Variants in LRP1B observed in about 807,000 individuals in gnomAD.
The protein encoded by LRP1B is LDL receptor related protein 1B, also known as low-density lipoprotein receptor-related protein 1B.
A neutral mutation model predicts 556.6 loss-of-function variants in LRP1B; 217 were observed. That is an observed-to-expected ratio of 0.39 (90% confidence interval 0.35 to 0.44). The LOEUF (loss-of-function observed/expected upper bound fraction) is 0.44. Among genes scored for constraint, LRP1B ranks in the 20% least tolerant of loss-of-function variants. The probability of loss-of-function intolerance (pLI) is 1.00; values close to 1 mark genes in which losing one functional copy is unlikely to be tolerated. For synonymous variants in LRP1B, 2,047 were observed against 1,865.8 expected (o/e 1.10, Z -2.50); for missense variants, 5,053 against 5,620.8 (o/e 0.90, Z 3.23).
intron 1 of LRP1B, among the ~76,000 whole-genome samples, chr2:141,824,515 C>T (rs754852212): frequency 6.6e-6 from 1 of 152,176 alleles, no homozygotes; most frequent in Non-Finnish European, 1.5e-5. Context: ...CAGGCGCCCG[C>T]CACCGTGCCT....
At chr2:142,083,352 T>C (rs1183228334) in intron 1 of LRP1B, among the ~76,000 whole-genome samples, 2 of 152,288 alleles carry the variant, frequency 1.3e-5, no homozygotes, top group East Asian at 3.9e-4. Context: ...CCAATTAATT[T>C]CCCTTCTTCT....
In LRP1B at chr2:140,358,867, A is replaced by G. The variant is rs1682367961; in HGVS notation, c.11211T>C (p.Asn3737=). 1.2e-6 allele frequency: 2 copies of G among 1,609,296 alleles called. No individual in the cohort carries two copies. The highest frequency in any genetic ancestry group is 1.7e-6 in the Non-Finnish European group (2 of 1,176,484). ...RICLQSEQMC[N]GIDECGDNSD... ...AATTGTCACCGCATTCATCAATCCCATTGCACATTTGCTCCGACTGTAGGC... is the reference window on the plus strand; with the variant it reads ...AATTGTCACCGCATTCATCAATCCCGTTGCACATTTGCTCCGACTGTAGGC... The change falls in exon 73 of 91, where the codon AAT becomes AAC. Residue 3737 remains asparagine, a synonymous_variant. Coordinates refer to ENST00000389484, the MANE Select transcript of LRP1B (RefSeq NM_018557.3).
chr2:140,969,379 G>C (rs983747448), intron 18 of LRP1B, among the ~76,000 whole-genome samples: 1 of 152,016 alleles, frequency 6.6e-6, no homozygotes, highest in Non-Finnish European at 1.5e-5. Context: ...CCATTTGCTT[G>C]GTAGATCTTC....
intron 2 of LRP1B, among the ~76,000 whole-genome samples, chr2:141,492,731 A>C (rs568168989): frequency 6.6e-6 from 1 of 152,252 alleles, no homozygotes; most frequent in Non-Finnish European, 1.5e-5. Flanking sequence ...GCCAATTTAC[A>C]CTTGAGAGGA....
At chr2:140,928,134 A>G (rs1417382588) in intron 20 of LRP1B, among the ~76,000 whole-genome samples, 1 of 152,066 alleles carries the variant, frequency 6.6e-6, no homozygotes, top group Non-Finnish European at 1.5e-5. Context: ...TACACCATGG[A>G]ACCATGTGTT....
intron 37 of LRP1B, among the ~76,000 whole-genome samples, chr2:140,705,728 AT>A (rs888053843): frequency 2.0e-5 from 3 of 152,020 alleles, no homozygotes; most frequent in African/African-American, 7.2e-5. Flanking sequence ...AAGTAAAACT[AT>A]TTTTTAATCC....
chr2:142,108,039 TTTCAGACAAAG>T (rs1352676926), intron 1 of LRP1B, among the ~76,000 whole-genome samples: 1 of 150,928 alleles, frequency 6.6e-6, no homozygotes, highest in African/African-American at 2.4e-5. Flanking sequence ...CTATTATAAT[TTTCAGACAAAG>T]TTCTTATAGT....
intron 32 of LRP1B, among the ~76,000 whole-genome samples, chr2:140,809,735 G>A (rs1483294270): frequency 1.3e-5 from 2 of 152,212 alleles, no homozygotes; most frequent in Non-Finnish European, 2.9e-5. Flanking sequence ...GAGCAGCCAT[G>A]TGGGTGGTTC....
At position 141,473,209 on chromosome 2, in the gene LRP1B, G is replaced by C. The variant is rs62166291; in HGVS notation, c.343+7187C>G. Among the ~76,000 whole-genome samples the C allele has an allele frequency of 5.0e-3, 754 of 152,166 alleles. 4 individuals are homozygous for C. The highest frequency in any genetic ancestry group is 7.5e-3 in the Non-Finnish European group (509 of 68,002). On this transcript the variant is annotated intron_variant, in intron 3 of 90. Coordinates refer to ENST00000389484, the MANE Select transcript of LRP1B (RefSeq NM_018557.3). ...AATTAAACAGAATTTATAAAACTAA[G>C]TCCCTGAAAAAATGAACATACATAC...
chr2:141,048,923 A>C, intron 11 of LRP1B, 63 bp downstream of exon 11: 1 of 1,268,014 alleles, frequency 7.9e-7, no homozygotes, highest in Non-Finnish European at 1.2e-6. Context: ...CACACACTGG[A>C]TTTATCCTTT....
At chr2:140,345,878 A>ATAT (rs200833593) in intron 77 of LRP1B, among the ~76,000 whole-genome samples, 7 of 140,330 alleles carry the variant, frequency 5.0e-5, no homozygotes, top group Admixed American at 7.4e-5. Context: ...ATATATATAT[A>ATAT]AAAAAAATAG....
intron 2 of LRP1B, among the ~76,000 whole-genome samples, chr2:141,540,750 G>T (rs945417726): frequency 6.6e-6 from 1 of 151,852 alleles, no homozygotes; most frequent in Non-Finnish European, 1.5e-5. Context: ...GCTATTTTAG[G>T]ATCACTGAAA....
rs548285241 is a variant in LRP1B, at chr2:141,280,126, T to C, written c.344-25485A>G. Among the ~76,000 whole-genome samples, 33 of 152,198 alleles carry C rather than the reference T, an allele frequency of 2.2e-4. No homozygotes were observed. The South Asian group carries it at 5.2e-3, about 24-fold the overall frequency. ...TAATGTTAGGAATCTGAGCCACCTCTTACTACGTTGCGTGAATTTTTCAAA... is the reference window on the plus strand; with the variant it reads ...TAATGTTAGGAATCTGAGCCACCTCCTACTACGTTGCGTGAATTTTTCAAA... On this transcript the variant is annotated intron_variant, in intron 3 of 90. Transcript: ENST00000389484.
At chr2:141,798,190 C>T (rs775259487) in intron 2 of LRP1B, among the ~76,000 whole-genome samples, 28 of 151,974 alleles carry the variant, frequency 1.8e-4, no homozygotes, top group Admixed American at 3.9e-4. Context: ...CAAATGTATG[C>T]GTGATGTGAA....
intron 35 of LRP1B, among the ~76,000 whole-genome samples, chr2:140,753,991 A>G (rs2104901111): frequency 6.6e-6 from 1 of 152,276 alleles, no homozygotes; most frequent in Admixed American, 6.5e-5. Flanking sequence ...TGCTGGTAGC[A>G]CAGAAGTTCT....
At chr2:141,766,438 T>C (rs1386746292) in intron 2 of LRP1B, among the ~76,000 whole-genome samples, 1 of 152,198 alleles carries the variant, frequency 6.6e-6, no homozygotes, top group African/African-American at 2.4e-5. Flanking sequence ...TTACAGCTAA[T>C]GTCCTCATCA....
rs778609109 is a variant in LRP1B at position 140,238,229 on chromosome 2, A to C, written c.13483T>G (p.Tyr4495Asp). Residue 4495 changes from tyrosine (Y) to aspartate (D), a missense_variant, in exon 89 of 91, where the codon TAT becomes GAT. Coordinates refer to ENST00000389484, the MANE Select transcript of LRP1B (RefSeq NM_018557.3). ...GINVEIGNPS[Y>D]NMYEVDHDHN... ...TCATGATCTACCTCATACATGTTAT[A>C]AGATGGATTGCCAATTTCTACATTT... The C allele has an allele frequency of 1.3e-6, 2 of 1,599,808 alleles. No homozygotes were observed. The highest frequency in any genetic ancestry group is 1.7e-6 in the Non-Finnish European group (2 of 1,169,072).
intron 41 of LRP1B, among the ~76,000 whole-genome samples, chr2:140,630,225 G>A (rs1050395655): frequency 3.3e-5 from 5 of 152,090 alleles, no homozygotes; most frequent in African/African-American, 9.7e-5. Context: ...CAAGTTTTCC[G>A]GGAGATTCTG....
intron 2 of LRP1B, among the ~76,000 whole-genome samples, chr2:141,809,011 C>T (rs58521187): frequency 0.033 from 4,961 of 152,082 alleles, 286 homozygotes; most frequent in African/African-American, 0.11. Flanking sequence ...AACCTTTTAT[C>T]TTTAACTTAT....
Sources: allele counts gnomAD v4.1 joint callset (sites outside exome capture counted in the v4.1 genomes callset), GRCh38; gene constraint gnomAD v4.1.1; transcripts MANE v1.5; gene names NCBI Gene and HGNC (gene_info 2026-07-23, HGNC 2026-07-21).